Variants in HMGA2 observed in about 807,000 individuals in gnomAD.
HMGA2 encodes high mobility group AT-hook 2.
In HMGA2, 8 loss-of-function variants were observed where a neutral mutation model predicts 19.1. The ratio of observed to expected loss-of-function variants is 0.42; its 90% confidence interval spans 0.25 to 0.76. The LOEUF is 0.76. HMGA2 is among the 30% of genes least tolerant of loss of function. The pLI, the probability that HMGA2 is intolerant of heterozygous loss-of-function variation, is 0.28. For synonymous variants in HMGA2, 60 were observed against 48.8 expected, an observed-to-expected ratio of 1.23 and a Z score of -0.96; for missense variants, 109 against 136.3, an observed-to-expected ratio of 0.80 and a Z score of 1.00.
Position 65,932,113 on chromosome 12 carries a change from G to T in HMGA2, c.250-19270G>T, listed in dbSNP as rs117303568. On this transcript the variant is annotated intron_variant, in intron 3 of 4. Transcript: ENST00000403681. The stretch of plus-strand genomic sequence containing the variant: ...TGTAAGGTTCACATTAATTGTCATT[G>T]CACCTCTTCTTCCCAGAAGGAAGAG... 1.1e-4 allele frequency among the ~76,000 whole-genome samples: 17 copies of T among 152,282 alleles called. No individual in the cohort carries two copies. In the East Asian group the frequency reaches 3.3e-3, roughly 29 times the overall value.
chr12:65,827,510 C>G (rs142020169), intron 1 of HMGA2, among the ~76,000 whole-genome samples: 1 of 151,554 alleles, frequency 6.6e-6, no homozygotes, highest in Non-Finnish European at 1.5e-5. Flanking sequence ...GAATCATAAT[C>G]CACCTAGAAG....
intron 3 of HMGA2, among the ~76,000 whole-genome samples, chr12:65,888,972 C>T (rs756372304): frequency 2.6e-5 from 4 of 152,078 alleles, no homozygotes; most frequent in Non-Finnish European, 4.4e-5. Flanking sequence ...GCTCTTTCCA[C>T]CAATAATCAG....
At chr12:65,906,534 T>A (rs553323655) in intron 3 of HMGA2, among the ~76,000 whole-genome samples, 1 of 152,314 alleles carries the variant, frequency 6.6e-6, no homozygotes, top group East Asian at 1.9e-4. Context: ...GCTAGTATGT[T>A]GTTTCACTTC....
chr12:65,945,784 C>T (rs746774957), intron 3 of HMGA2, among the ~76,000 whole-genome samples: 1 of 152,004 alleles, frequency 6.6e-6, no homozygotes, highest in African/African-American at 2.4e-5. Context: ...CTATAAATAA[C>T]CGGTCAATTT....
chr12:65,914,545 A>T (rs1434328026), intron 3 of HMGA2, among the ~76,000 whole-genome samples: 1 of 151,242 alleles, frequency 6.6e-6, no homozygotes, highest in East Asian at 2.0e-4. Context: ...CTAATGCTAG[A>T]TGACGAGTTA....
chr12:65,928,303 A>T (rs965483952), intron 3 of HMGA2, among the ~76,000 whole-genome samples: 8 of 152,042 alleles, frequency 5.3e-5, no homozygotes, highest in African/African-American at 1.9e-4. Flanking sequence ...AAAGATTTTA[A>T]AATGGTACAC....
chr12:65,835,797 A>G (rs529936806), intron 2 of HMGA2, among the ~76,000 whole-genome samples: 43 of 152,178 alleles, frequency 2.8e-4, no homozygotes, highest in Non-Finnish European at 3.4e-4. Context: ...AGCCTGGTGT[A>G]GCACTGTTAA....
rs1301095135 is a variant in HMGA2 at position 65,944,255 on chromosome 12, A to G, written c.250-7128A>G. On this transcript the variant is annotated intron_variant, in intron 3 of 4. Coordinates refer to ENST00000403681, the MANE Select transcript of HMGA2 (RefSeq NM_003483.6). ...TGACCATTAATTTTAAATTTAATTC[A>G]AAGTGACAGTTTTCATTCTAGACCT... Among the ~76,000 whole-genome samples, 4 of 152,362 alleles carry G rather than the reference A, an allele frequency of 2.6e-5. No individual in the cohort carries two copies. In the East Asian group the frequency reaches 7.7e-4, roughly 29 times the overall value.
At chr12:65,865,904 T>C (rs1872383423) in intron 3 of HMGA2, among the ~76,000 whole-genome samples, 1 of 151,732 alleles carries the variant, frequency 6.6e-6, no homozygotes, top group Non-Finnish European at 1.5e-5. Flanking sequence ...GGCCTCCCAA[T>C]GTGCTGGGAT....
At chr12:65,897,368 C>T (rs1874176019) in intron 3 of HMGA2, among the ~76,000 whole-genome samples, 1 of 151,986 alleles carries the variant, frequency 6.6e-6, no homozygotes, top group Admixed American at 6.6e-5. Flanking sequence ...ATCATATTAA[C>T]GGCATTATTT....
At chr12:65,881,648 G>A in intron 3 of HMGA2, 1 of 665,248 alleles carries the variant, frequency 1.5e-6, no homozygotes. Flanking sequence ...GGGAGGGAGG[G>A]AGAAAGAGAG....
intron 4 of HMGA2, among the ~76,000 whole-genome samples, chr12:65,960,610 A>G (rs1876726295): frequency 6.6e-6 from 1 of 152,178 alleles, no homozygotes; most frequent in South Asian, 2.1e-4. Context: ...CCAAGAAGAG[A>G]GAGCTCTCCA....
chr12:65,886,364 T>TC (rs199502159), intron 3 of HMGA2, among the ~76,000 whole-genome samples: 6,434 of 126,958 alleles, frequency 0.051, 398 homozygotes, highest in South Asian at 0.28. Context: ...TTTTTCTCTC[T>TC]TTTTTTTTTT....
At chr12:65,855,454 T>A (rs1225249147) in intron 3 of HMGA2, among the ~76,000 whole-genome samples, 8,021 of 100,182 alleles carry the variant, frequency 0.08, 720 homozygotes, top group African/African-American at 0.3. Context: ...TCTCTCTCTC[T>A]CTCTCACACA....
At chr12:65,847,182 A>G (rs1036460998) in intron 3 of HMGA2, among the ~76,000 whole-genome samples, 2 of 152,182 alleles carry the variant, frequency 1.3e-5, no homozygotes, top group Non-Finnish European at 2.9e-5. Flanking sequence ...CACAGCAAAT[A>G]TATAAGCTAA....
At chr12:65,899,134 C>A (rs752490643) in intron 3 of HMGA2, among the ~76,000 whole-genome samples, 76 of 149,756 alleles carry the variant, frequency 5.1e-4, no homozygotes, top group Non-Finnish European at 6.2e-4. Flanking sequence ...CAATTTCCAA[C>A]GATGCCTAGC....
chr12:65,931,909 T>C (rs343086), intron 3 of HMGA2, among the ~76,000 whole-genome samples: 37,113 of 152,110 alleles, frequency 0.24, 5,248 homozygotes, highest in Non-Finnish European at 0.33. Context: ...AGCAAGACCC[T>C]GTCTCTCAAA....
chr12:65,927,273 T>G (rs1875540793), intron 3 of HMGA2, among the ~76,000 whole-genome samples: 1 of 152,190 alleles, frequency 6.6e-6, no homozygotes, highest in Non-Finnish European at 1.5e-5. Context: ...ACCAAGCCTA[T>G]TTTCTGAAAC....
intron 3 of HMGA2, among the ~76,000 whole-genome samples, chr12:65,950,314 A>G (rs1384770513): frequency 5.2e-5 from 8 of 152,386 alleles, no homozygotes; most frequent in South Asian, 2.1e-4. Flanking sequence ...ATGTCCACCA[A>G]CTAATGAATG....
Sources: gnomAD v4.1 joint callset for allele counts (sites outside exome capture counted in the v4.1 genomes callset) on GRCh38, gnomAD v4.1.1 for gene constraint, MANE v1.5 for transcripts, NCBI Gene and HGNC (gene_info 2026-07-23, HGNC 2026-07-21) for gene names.